Variants in UGT1A8 observed in about 807,000 individuals in gnomAD.
UGT1A8 encodes the protein UDP-glucuronosyltransferase 1A8.
Under a neutral mutation model 45.3 loss-of-function variants are expected in UGT1A8, and 39 were observed. The ratio of observed to expected loss-of-function variants is 0.86; its 90% CI spans 0.67 to 1.12. UGT1A8 has a LOEUF of 1.12. Ranked by LOEUF, UGT1A8 falls within the 50% of genes most tolerant of loss-of-function variation. The pLI, the probability that UGT1A8 is intolerant of heterozygous loss-of-function variation, is 0.00. For synonymous variants in UGT1A8, 275 were observed against 249.2 expected (o/e 1.10, Z -0.97); for missense variants, 719 against 664.9 (o/e 1.08, Z -0.90).
intron 1 of UGT1A8, among the ~76,000 whole-genome samples, chr2:233,696,841 T>C (rs1401525260): frequency 1.3e-5 from 2 of 152,218 alleles, no homozygotes; most frequent in African/African-American, 2.4e-5. Flanking sequence ...TAAAGGGACG[T>C]TGAATTTTGT....
At chr2:233,749,107 C>T (rs2125896789) in intron 1 of UGT1A8, among the ~76,000 whole-genome samples, 1 of 151,856 alleles carries the variant, frequency 6.6e-6, no homozygotes, top group Non-Finnish European at 1.5e-5. Flanking sequence ...GAGAATTCAG[C>T]CTTTTTATGT....
intron 1 of UGT1A8, among the ~76,000 whole-genome samples, chr2:233,694,218 C>G (rs933253375): frequency 6.6e-6 from 1 of 152,134 alleles, no homozygotes; most frequent in Non-Finnish European, 1.5e-5. Flanking sequence ...TTTCCCAACT[C>G]TGTCCCATGC....
chr2:233,681,177 G>A (rs1483753857), intron 1 of UGT1A8, among the ~76,000 whole-genome samples: 1 of 151,838 alleles, frequency 6.6e-6, no homozygotes, highest in Non-Finnish European at 1.5e-5. Flanking sequence ...TAAGACCCTT[G>A]CTCTCTTTCC....
At chr2:233,700,272 A>T (rs1488856849) in intron 1 of UGT1A8, among the ~76,000 whole-genome samples, 1 of 152,218 alleles carries the variant, frequency 6.6e-6, no homozygotes, top group East Asian at 1.9e-4. Context: ...CTTAATAGGC[A>T]CTTTTTAAAA....
At chr2:233,646,235 T>G (rs529367829) in intron 1 of UGT1A8, among the ~76,000 whole-genome samples, 150 of 152,312 alleles carry the variant, frequency 9.8e-4, no homozygotes, top group Non-Finnish European at 1.4e-3. Context: ...CCTGGGCCTG[T>G]CACACAAAAC....
chr2:233,742,956 T>C, intron 1 of UGT1A8: 1 of 217,074 alleles, frequency 4.6e-6, no homozygotes, highest in Non-Finnish European at 9.3e-6. Context: ...CAAATAATCA[T>C]TGTCTGCCTC....
At chr2:233,738,412 C>T (rs988923331) in intron 1 of UGT1A8, among the ~76,000 whole-genome samples, 1 of 152,164 alleles carries the variant, frequency 6.6e-6, no homozygotes, top group East Asian at 1.9e-4. Context: ...GGGTAACAGG[C>T]AGAGGCTGGA....
At chr2:233,743,767 G>A (rs374421270) in intron 1 of UGT1A8, 102 of 1,367,178 alleles carry the variant, frequency 7.5e-5, no homozygotes, top group Admixed American at 1.9e-4. Flanking sequence ...CGTAGGCCTC[G>A]GCCACCTGCT....
At chr2:233,756,026 C>T (rs573577160) in intron 1 of UGT1A8, 1 of 152,204 alleles carries the variant, frequency 6.6e-6, no homozygotes, top group Non-Finnish European at 1.5e-5. Context: ...TACACATCCC[C>T]CATGTAGCTT....
At chr2:233,637,241 CG>C (rs1171979550) in intron 1 of UGT1A8, 4 of 1,613,812 alleles carry the variant, frequency 2.5e-6, no homozygotes, top group Non-Finnish European at 3.4e-6. Context: ...ACCCCTGTCA[CG>C]GCATATGATC....
intron 3 of UGT1A8, 40 bp downstream of exon 3, chr2:233,767,976 C>A: frequency 6.2e-7 from 1 of 1,614,040 alleles, no homozygotes; most frequent in South Asian, 1.1e-5. Context: ...AAACCAGGGT[C>A]AAATTAAGAA....
At chr2:233,743,757 C>G (rs774172513) in intron 1 of UGT1A8, 2 of 1,367,374 alleles carry the variant, frequency 1.5e-6, no homozygotes, top group South Asian at 1.1e-5. Context: ...GACAACACCT[C>G]GTAGGCCTCG....
chr2:233,648,038 G>T, intron 1 of UGT1A8: 4 of 1,594,466 alleles, frequency 2.5e-6, no homozygotes. Context: ...CAACTGGGAA[G>T]ATCACTGAAT....
At chr2:233,713,026 T>G in intron 1 of UGT1A8, 1 of 1,613,848 alleles carries the variant, frequency 6.2e-7, no homozygotes, top group Non-Finnish European at 8.5e-7. Context: ...CTGCCGCAGC[T>G]GGCCACAGGA....
intron 1 of UGT1A8, chr2:233,648,894 A>G: frequency 2.3e-6 from 3 of 1,321,248 alleles, no homozygotes; most frequent in Non-Finnish European, 2.1e-6. Flanking sequence ...CTGTCATGGC[A>G]TATGATCTCT....
chr2:233,725,279 GGCAGAGGCA>G (rs560438122), intron 1 of UGT1A8, among the ~76,000 whole-genome samples: 3 of 44,338 alleles, frequency 6.8e-5, no homozygotes, highest in East Asian at 1.5e-3. Flanking sequence ...CAGAGGCAGA[GGCAGAGGCA>G]GAGGCAGAGG....
intron 1 of UGT1A8, 41 bp downstream of exon 1, chr2:233,618,603 T>A (rs747402593): frequency 6.5e-7 from 1 of 1,548,590 alleles, no homozygotes; most frequent in South Asian, 1.2e-5. Flanking sequence ...ATAATCTGGC[T>A]TTGGAAATTA....
Position 233,646,384 on chromosome 2 carries a change from G to A in UGT1A8, c.855+27822G>A, listed in dbSNP as rs149138520. Among the ~76,000 whole-genome samples the A allele has an allele frequency of 6.1e-3, 924 of 152,246 alleles. 3 individuals carry two copies. Among genetic ancestry groups the A allele is most frequent in the South Asian group, 0.034 (164 of 4,824 alleles). ...ATTACTTATGGAAATTTCTGCAGCC[G>A]GCTTAAATTTCTCCTCAGAAAATGG... On this transcript the variant is annotated intron_variant, in intron 1 of 4. Transcript: ENST00000373450.
In UGT1A8 at chr2:233,768,589, T is replaced by TC. The variant is rs1441142658; in HGVS notation, c.1295+150_1295+151insC. The TC allele has an allele frequency of 2.3e-4, 239 of 1,048,606 alleles. No individual in the cohort carries two copies. In the East Asian group the frequency reaches 3.3e-3, roughly 15 times the overall value. 65.0% of individuals were successfully genotyped at this position (1,048,606 alleles called of 1,614,324 possible). A position where few individuals can be genotyped will look rare whatever the true frequency, so the allele number is the denominator to read the frequency against. ...TCTGGATTTTTATTTCTTCTTTTTT[T>TC]TTTTTTTTTTTTTTTGAGATGGAGT... On this transcript the variant is annotated intron_variant, in intron 4 of 4. Transcript: ENST00000373450.
Sources: gnomAD v4.1 joint callset for allele counts (sites outside exome capture counted in the v4.1 genomes callset) on GRCh38, gnomAD v4.1.1 for gene constraint, MANE v1.5 for transcripts, NCBI Gene and HGNC (gene_info 2026-07-23, HGNC 2026-07-21) for gene names.